POMT1: variants seen among roughly 807,000 people sequenced by gnomAD.
POMT1 encodes the protein protein O-mannosyl-transferase 1.
Under a neutral mutation model 101.6 loss-of-function variants are expected in POMT1, and 85 were observed. The ratio of observed to expected loss-of-function variants is 0.84; its 90% CI spans 0.70 to 1.00. The LOEUF is 1.00. POMT1 is among the 50% of genes least tolerant of loss of function. The pLI, the probability that POMT1 is intolerant of heterozygous loss-of-function variation, is 0.00. For missense variants in POMT1, 857 were observed against 930.4 expected, an observed-to-expected ratio of 0.92 and a Z score of 1.03; for synonymous variants, 371 against 383.0, an observed-to-expected ratio of 0.97 and a Z score of 0.37.
chr9:131,511,659 GC>G, intron 10 of POMT1, 192 bp downstream of exon 10: 2 of 701,348 alleles, frequency 2.9e-6, no homozygotes, highest in Non-Finnish European at 4.8e-6. Context: ...GTGTGGCAGG[GC>G]CCAGGGTCGG....
chr9:131,520,291 G>C (rs758772984), intron 17 of POMT1, 98 bp downstream of exon 17: 11 of 1,107,526 alleles, frequency 9.9e-6, no homozygotes, highest in Non-Finnish European at 1.3e-5. Context: ...GAAAGTGCTG[G>C]GTTTCTCCCA....
At position 131,521,945 on chromosome 9, in the gene POMT1, T is replaced by G. The variant is rs1950010769; in HGVS notation, c.1826-102T>G. 3 of 1,581,136 alleles carry G rather than the reference T, an allele frequency of 1.9e-6. No individual in the cohort carries two copies. In the African/African-American group the frequency reaches 4.0e-5, roughly 21 times the overall value. ...TGAGGCCAGGAGTTCAAAACCAGCCTGGGCAACATAGTAAGAACCCTCTCT... is the reference window on the plus strand; with the variant it reads ...TGAGGCCAGGAGTTCAAAACCAGCCGGGGCAACATAGTAAGAACCCTCTCT... On this transcript the variant is annotated intron_variant, in intron 18 of 19. Transcript: ENST00000402686.
intron 4 of POMT1, 78 bp downstream of exon 4, chr9:131,506,531 A>G (rs1945846002): frequency 7.1e-7 from 1 of 1,405,270 alleles, no homozygotes; most frequent in East Asian, 2.3e-5. Flanking sequence ...AGGATTAACA[A>G]CTGTGGCTTT....
intron 18 of POMT1, 115 bp downstream of exon 18, chr9:131,521,587 C>T: frequency 7.9e-7 from 1 of 1,271,764 alleles, no homozygotes; most frequent in South Asian, 1.3e-5. Context: ...GCCTCGGCCT[C>T]CCATAGTGCT....
chr9:131,515,400 C>T (rs1948085893), intron 12 of POMT1, 26 bp from the exon 13 acceptor site: 1 of 1,610,442 alleles, frequency 6.2e-7, no homozygotes, highest in South Asian at 1.1e-5. Flanking sequence ...AAGGAATTTT[C>T]TGAAATCTCG....
rs759646203 is a variant in POMT1 at position 131,507,468 on chromosome 9, C to T, written c.381C>T (p.His127=). The change falls in exon 5 of 20, where the codon CAC becomes CAT. Residue 127 remains histidine (H), a synonymous_variant. Coordinates refer to ENST00000402686, the MANE Select transcript of POMT1 (RefSeq NM_001077365.2). Reference sequence around the variant, plus strand: ...CCTACCAGATAGTGTTGGAGCTCCACTTTTCTCATTGTGCCGCCATGGGAG... The same window carrying T: ...CCTACCAGATAGTGTTGGAGCTCCATTTTTCTCATTGTGCCGCCATGGGAG... ...PMAYQIVLEL[H]FSHCAAMGAA... is the part of the protein sequence containing the mutation. 1.9e-6 allele frequency: 3 copies of T among 1,614,198 alleles called. No homozygotes were observed. The highest frequency in any genetic ancestry group is 1.1e-5 in the South Asian group (1 of 91,086).
chr9:131,504,789 G>GTGTGTA (rs1945403791), intron 2 of POMT1, among the ~76,000 whole-genome samples: 1 of 149,138 alleles, frequency 6.7e-6, no homozygotes, highest in Non-Finnish European at 1.5e-5. Flanking sequence ...GTGTGTGTGT[G>GTGTGTA]TGTTTTTGAG....
At chr9:131,515,602 C>A in intron 13 of POMT1, 80 bp downstream of exon 13, 1 of 1,290,558 alleles carries the variant, frequency 7.7e-7, no homozygotes, top group Non-Finnish European at 1.1e-6. Context: ...TCACCCGGAG[C>A]ACTCCCTAAC....
In POMT1 at chr9:131,503,205, G is replaced by A. The variant is rs1320193400; in HGVS notation, c.-31+132G>A. 1.3e-5 allele frequency: 2 copies of A among 152,354 alleles called. No individual in the cohort carries two copies. Among genetic ancestry groups the A allele is most frequent in the African/African-American group, 4.8e-5 (2 of 41,450 alleles). 9.4% of individuals were successfully genotyped at this position (152,354 alleles called of 1,614,324 possible). On this transcript the variant is annotated intron_variant, in intron 1 of 19. Transcript: ENST00000402686. The surrounding 1 kb of genome is among the most constrained non-coding windows in gnomAD (Gnocchi z 4.4). ...CCCGTCTTTCCGGAGCTGGGGGCGG[G>A]GTTCGGGCCCGGGCAGATGCGGCGT...
chr9:131,510,199 T>A (rs1564347733), intron 8 of POMT1, 61 bp from the exon 9 acceptor site: 1 of 1,612,656 alleles, frequency 6.2e-7, no homozygotes, highest in East Asian at 2.2e-5. Flanking sequence ...GCTCACAATG[T>A]CTAGAGGTGG....
intron 7 of POMT1, 40 bp from the exon 8 acceptor site, chr9:131,509,862 TC>T: frequency 6.2e-7 from 1 of 1,614,208 alleles, no homozygotes; most frequent in Non-Finnish European, 8.5e-7. Context: ...CCTTATGTTT[TC>T]CTGTCTCATG....
rs1339845104 is a variant in POMT1, at chr9:131,522,779, G to A, written c.2004-153G>A. On this transcript the variant is annotated intron_variant, in intron 19 of 19. Transcript: ENST00000402686. The surrounding 1 kb of genome is among the most constrained non-coding windows in gnomAD (Gnocchi z 5.5). The stretch of plus-strand genomic sequence containing the variant: ...CTCTCAGTGCATCCAGGTGGGAGAT[G>A]GTCATGGGTGGCAGGAGACAAGACA... 2.0e-5 allele frequency among the ~76,000 whole-genome samples: 3 copies of A among 152,106 alleles called. No individual in the cohort carries two copies. The highest frequency in any genetic ancestry group is 4.4e-5 in the Non-Finnish European group (3 of 68,008).
At chr9:131,516,012 G>C (rs1407169109) in intron 13 of POMT1, among the ~76,000 whole-genome samples, 46 of 42,362 alleles carry the variant, frequency 1.1e-3, no homozygotes, top group African/African-American at 2.8e-3. Flanking sequence ...CTCTAACACA[G>C]GACACTTCCT....
chr9:131,522,596 CT>C lies in POMT1; in HGVS notation c.2004-335del. ...TGGTGGAGAGAACCCAAGAAAGCTT[CT>C]AAACCAGAGTGTGTTTGGAGGTTGG... On this transcript the variant is annotated intron_variant, in intron 19 of 19. Coordinates refer to ENST00000402686, the MANE Select transcript of POMT1 (RefSeq NM_001077365.2). The surrounding 1 kb of genome is among the most constrained non-coding windows in gnomAD (Gnocchi z 5.5). 1.9e-6 allele frequency: 1 copy of C among 528,502 alleles called. No individual in the cohort carries two copies. Among genetic ancestry groups the C allele is most frequent in the Non-Finnish European group, 3.4e-6 (1 of 292,568 alleles). The allele number at this position is 528,502 out of a possible 1,614,324, so 32.7% of individuals were successfully genotyped here.
At position 131,523,673 on chromosome 9, in the gene POMT1, C is replaced by T. The variant is rs1015661445; in HGVS notation, c.*567C>T. On this transcript the variant is annotated 3_prime_UTR_variant, in exon 20 of 20. Transcript: ENST00000402686. ...CTTGGCACCGTGCTGTGTGGAAACCCTCCCCTCTGAGACTCCACTGAGACG... is the reference window on the plus strand; with the variant it reads ...CTTGGCACCGTGCTGTGTGGAAACCTTCCCCTCTGAGACTCCACTGAGACG... 6.0e-6 allele frequency: 1 copy of T among 166,984 alleles called. No homozygotes were observed. The highest frequency in any genetic ancestry group is 1.3e-5 in the Non-Finnish European group (1 of 75,422). 10.3% of individuals were successfully genotyped at this position (166,984 alleles called of 1,614,324 possible).
intron 15 of POMT1, 37 bp downstream of exon 15, chr9:131,518,994 G>C: frequency 1.2e-6 from 2 of 1,611,988 alleles, no homozygotes; most frequent in African/African-American, 2.7e-5. Flanking sequence ...CTCCTGGAAT[G>C]TACTTTCAGC....
intron 14 of POMT1, 45 bp downstream of exon 14, chr9:131,518,582 C>G (rs1564377135): frequency 6.5e-7 from 1 of 1,550,174 alleles, no homozygotes; most frequent in Non-Finnish European, 8.9e-7. Context: ...GCTGTGGGCT[C>G]CAGTCTGTTT....
chr9:131,511,637 G>A, intron 10 of POMT1, 170 bp downstream of exon 10: 1 of 915,778 alleles, frequency 1.1e-6, no homozygotes, highest in Admixed American at 2.1e-5. Flanking sequence ...GGTGTTGCTG[G>A]AGGGACTTGG....
intron 17 of POMT1, among the ~76,000 whole-genome samples, chr9:131,520,415 T>C (rs1949684458): frequency 6.6e-6 from 1 of 152,236 alleles, no homozygotes; most frequent in Non-Finnish European, 1.5e-5. Flanking sequence ...GCTTGATTGC[T>C]TTTGTGGAGA....
Sources: allele counts gnomAD v4.1 joint callset (sites outside exome capture counted in the v4.1 genomes callset), GRCh38; gene constraint gnomAD v4.1.1; non-coding constraint Gnocchi (gnomAD v3.1); transcripts MANE v1.5; gene names NCBI Gene and HGNC (gene_info 2026-07-23, HGNC 2026-07-21).